The following ERI1 variants were observed in gnomAD, a reference collection of about 807,000 sequenced individuals.
The protein encoded by ERI1 is 3'-5' exoribonuclease 1.
Under a neutral mutation model 39.7 loss-of-function variants are expected in ERI1, and 39 were observed. The ratio of observed to expected loss-of-function variants is 0.98; its 90% confidence interval spans 0.76 to 1.28. The LOEUF is 1.28. ERI1 is among the 50% of genes most tolerant of loss of function. The pLI is 0.00. For missense variants in ERI1, 581 were observed against 416.9 expected (o/e 1.39, Z -3.43); for synonymous variants, 204 against 149.6 (o/e 1.36, Z -2.65).
rs1335666846 is a variant in ERI1, at chr8:9,030,392, GTTTC to G, written c.*362_*365del. ...TTACTGGTGTTTAAATATGTAATGT[GTTTC>G]TTTATTAACATCACTAGATGAAACC... On this transcript the variant is annotated 3_prime_UTR_variant, in exon 7 of 7. Transcript: ENST00000250263. The G allele has an allele frequency of 8.6e-5, 17 of 198,116 alleles. No homozygotes were observed. The East Asian group carries it at 1.8e-3, about 22-fold the overall frequency. The allele number at this position is 198,116 out of a possible 1,614,324, so 12.3% of individuals were successfully genotyped here.
chr8:9,004,091 T>A, intron 1 of ERI1: 1 of 1,289,346 alleles, frequency 7.8e-7, no homozygotes, highest in Non-Finnish European at 1.0e-6. Flanking sequence ...CGCTGCCTTG[T>A]GTTCTTTGAC....
intron 6 of ERI1, among the ~76,000 whole-genome samples, chr8:9,021,805 G>T (rs1250069529): frequency 1.5e-5 from 2 of 136,050 alleles, no homozygotes; most frequent in Non-Finnish European, 3.1e-5. Flanking sequence ...TTATGCTTGA[G>T]ATCCATCCAC....
At chr8:9,029,209 T>C (rs542853137) in intron 6 of ERI1, among the ~76,000 whole-genome samples, 33 of 152,312 alleles carry the variant, frequency 2.2e-4, no homozygotes, top group African/African-American at 7.7e-4. Context: ...TTACATGTCC[T>C]GAACAATACA....
intron 3 of ERI1, among the ~76,000 whole-genome samples, chr8:9,068,271 T>TA (rs567149757): frequency 6.6e-6 from 1 of 152,356 alleles, no homozygotes; most frequent in Non-Finnish European, 1.5e-5. Flanking sequence ...GCACCTCATG[T>TA]GGCTCTCCTG....
chr8:9,008,184 T>C (rs746701263), intron 2 of ERI1, 36 bp downstream of exon 2: 8 of 1,437,052 alleles, frequency 5.6e-6, no homozygotes, highest in Non-Finnish European at 7.5e-6. Context: ...ATAAAAGTAG[T>C]ACATGCTCAT....
intron 1 of ERI1, among the ~76,000 whole-genome samples, chr8:9,006,970 A>G (rs1001044461): frequency 2.6e-5 from 4 of 152,356 alleles, no homozygotes; most frequent in South Asian, 2.1e-4. Flanking sequence ...CGTGAGGACA[A>G]TGTGGTACAT....
chr8:9,040,738 G>T (rs3989389), intron 3 of ERI1, among the ~76,000 whole-genome samples: 6,584 of 150,760 alleles, frequency 0.044, 475 homozygotes, highest in African/African-American at 0.15. Context: ...GTGGGGGGGG[G>T]GTGTGTGTTA....
In ERI1 at chr8:9,008,027, T is replaced by G. The variant is rs150186258; in HGVS notation, c.166T>G (p.Ser56Ala). ...GACAAAAGGATCCAAGTTCATTACCTCCAGTGCGAGTGACTTCAGTGACCC... is the reference window on the plus strand; with the variant it reads ...GACAAAAGGATCCAAGTTCATTACCGCCAGTGCGAGTGACTTCAGTGACCC... ...QETKGSKFIT[S>A]SASDFSDPVY... Residue 56 changes from serine (S) to alanine (A), a missense_variant, in exon 2 of 7, where the codon TCC (serine) becomes GCC (alanine). By Grantham distance (99) the Ser-to-Ala change is moderately conservative. Coordinates refer to ENST00000250263, the MANE Select transcript of ERI1 (RefSeq NM_153332.4). 6.5e-7 allele frequency: 1 copy of G among 1,533,610 alleles called. No individual in the cohort carries two copies. The highest frequency in any genetic ancestry group is 8.8e-7 in the Non-Finnish European group (1 of 1,134,424).
intron 3 of ERI1, among the ~76,000 whole-genome samples, chr8:9,079,363 G>C (rs1415631721): frequency 6.6e-6 from 1 of 152,200 alleles, no homozygotes; most frequent in African/African-American, 2.4e-5. Flanking sequence ...TTCAGCTATA[G>C]ACCGTTTTCA....
chr8:9,047,258 C>G lies in ERI1; in HGVS notation n.299+26794C>G, dbSNP rs897288820. On this transcript the variant is annotated intron_variant and non_coding_transcript_variant, in intron 3 of 3. Transcript: ENST00000518663. ...CTGGCTGGGGACTGGGAGTTTATAG[C>G]AGTGCCTTTCGGGTGAGTTGGTGAG... 4.6e-5 allele frequency among the ~76,000 whole-genome samples: 7 copies of G among 152,164 alleles called. No homozygotes were observed. The East Asian group carries it at 9.7e-4, about 21-fold the overall frequency.
rs1467650687 is a variant in ERI1 at position 9,070,843 on chromosome 8, C to G, written n.300-45505C>G. ...ACTTGGGGATGAATTAGTTTGAAAT[C>G]TCCTTTTTCCTCAGCATTTTTGCAG... is the stretch of plus-strand genomic sequence containing the variant. On this transcript the variant is annotated intron_variant and non_coding_transcript_variant, in intron 3 of 3. Transcript: ENST00000518663. Among the ~76,000 whole-genome samples the G allele has an allele frequency of 2.0e-5, 3 of 152,216 alleles. No individual in the cohort carries two copies. In the South Asian group the frequency reaches 6.2e-4, roughly 32 times the overall value.
chr8:9,078,426 G>A (rs1255583797), intron 3 of ERI1, among the ~76,000 whole-genome samples: 1 of 151,960 alleles, frequency 6.6e-6, no homozygotes, highest in Non-Finnish European at 1.5e-5. Context: ...CAGGTTTTGA[G>A]AGTTTAAGCG....
At chr8:9,004,027 T>A (rs765095983) in intron 1 of ERI1, 4 of 1,255,762 alleles carry the variant, frequency 3.2e-6, no homozygotes, top group Non-Finnish European at 1.0e-6. Context: ...GGTGCCTGCC[T>A]CCCTTGGTAA....
intron 6 of ERI1, among the ~76,000 whole-genome samples, 174 bp from the exon 7 acceptor site, chr8:9,029,618 A>G (rs112728146): frequency 8.9e-4 from 135 of 152,304 alleles, no homozygotes; most frequent in African/African-American, 3.1e-3. Flanking sequence ...GGCGTGAGCC[A>G]CCTTGCCTGG....
In ERI1 at chr8:9,064,757, A is replaced by T. The variant is rs553338084; in HGVS notation, n.299+44293A>T. 1.6e-4 allele frequency among the ~76,000 whole-genome samples: 25 copies of T among 152,288 alleles called. 1 individual carries two copies. Among genetic ancestry groups the T allele is most frequent in the African/African-American group, 5.5e-4 (23 of 41,560 alleles). Reference sequence around the variant, plus strand: ...CAGGAGGACAGGGGATTGATCTCCCAAGGGAGGTCCCTTGATCCGAGTCAT... The same window carrying T: ...CAGGAGGACAGGGGATTGATCTCCCTAGGGAGGTCCCTTGATCCGAGTCAT... On this transcript the variant is annotated intron_variant and non_coding_transcript_variant, in intron 3 of 3. Transcript: ENST00000518663.
rs1271722961 is a variant in ERI1, at chr8:9,032,871, T to A, written c.*2837T>A. The A allele has an allele frequency of 1.3e-5, 2 of 152,172 alleles. No homozygotes were observed. The highest frequency in any genetic ancestry group is 2.9e-5 in the Non-Finnish European group (2 of 68,020). The allele number at this position is 152,172 out of a possible 1,614,324, so 9.4% of individuals were successfully genotyped here. A position where few individuals can be genotyped will look rare whatever the true frequency, so the allele number is the denominator to read the frequency against. On this transcript the variant is annotated 3_prime_UTR_variant, in exon 7 of 7. Coordinates refer to ENST00000250263, the MANE Select transcript of ERI1 (RefSeq NM_153332.4). ...TCACAGATGAGCACGCACGGGTGCA[T>A]TGTCAAAGTCTGAGAAGGATGTATT...
At chr8:9,018,701 G>C (rs1020862645) in intron 5 of ERI1, among the ~76,000 whole-genome samples, 4 of 152,156 alleles carry the variant, frequency 2.6e-5, no homozygotes, top group African/African-American at 4.8e-5. Context: ...TCAGACTCTT[G>C]AGCTTGGCCT....
At chr8:9,034,995 G>A (rs1008389225), downstream of ERI1, among the ~76,000 whole-genome samples, 1 of 152,220 alleles carries the variant, frequency 6.6e-6, no homozygotes, top group African/African-American at 2.4e-5. Flanking sequence ...TTAAGCCAAA[G>A]CCTAATCTAG....
chr8:9,081,668 C>G (rs6986226), intron 3 of ERI1, among the ~76,000 whole-genome samples: 13 of 150,634 alleles, frequency 8.6e-5, no homozygotes, highest in Admixed American at 3.3e-4. Flanking sequence ...TCTTCCTTTC[C>G]TCTTCTTCTT....
Sources: gnomAD v4.1 joint callset for allele counts (sites outside exome capture counted in the v4.1 genomes callset) on GRCh38, gnomAD v4.1.1 for gene constraint, MANE v1.5 for transcripts, NCBI Gene and HGNC (gene_info 2026-07-23, HGNC 2026-07-21) for gene names.